Variants in HPSE2 observed in about 807,000 individuals in gnomAD.
HPSE2 encodes the protein inactive heparanase-2.
Under a neutral mutation model 60.5 loss-of-function variants are expected in HPSE2, and 38 were observed. The observed-to-expected ratio is 0.63, with a 90% CI of 0.48 to 0.82. The LOEUF (loss-of-function observed/expected upper bound fraction) is 0.82, where lower values mean the gene tolerates loss of function less well. Ranked by LOEUF, HPSE2 falls within the 40% of genes least tolerant of loss-of-function variation. HPSE2 has a pLI of 0.00. For missense variants in HPSE2, 713 were observed against 740.4 expected (o/e 0.96, Z 0.43); for synonymous variants, 295 against 293.2 (o/e 1.01, Z -0.06).
chr10:98,516,165 C>T (rs1942595140), intron 9 of HPSE2, among the ~76,000 whole-genome samples: 2 of 152,158 alleles, frequency 1.3e-5, no homozygotes, highest in African/African-American at 4.8e-5. Flanking sequence ...AAGATGTGCT[C>T]GGCCCTTCAC....
intron 3 of HPSE2, among the ~76,000 whole-genome samples, chr10:98,846,323 A>G (rs1467871528): frequency 6.6e-6 from 1 of 152,220 alleles, no homozygotes; most frequent in African/African-American, 2.4e-5. Context: ...TTGAAAAGCA[A>G]AATACTCTAT....
At chr10:98,801,291 T>G (rs895167974) in intron 3 of HPSE2, among the ~76,000 whole-genome samples, 3 of 151,838 alleles carry the variant, frequency 2.0e-5, no homozygotes, top group Non-Finnish European at 4.4e-5. Context: ...TCCTCTAATA[T>G]ATGGAACAAA....
intron 3 of HPSE2, among the ~76,000 whole-genome samples, chr10:98,836,650 A>G (rs1565199118): frequency 2.6e-5 from 4 of 152,232 alleles, no homozygotes; most frequent in African/African-American, 7.2e-5. Flanking sequence ...GCTGCTGACC[A>G]TAAGAATTTA....
chr10:99,184,786 TTATA>T lies in HPSE2; in HGVS notation c.449-40391_449-40388del, dbSNP rs1191226144. Among the ~76,000 whole-genome samples the T allele has an allele frequency of 5.8e-3, 146 of 25,266 alleles. 4 individuals carry two copies. Among genetic ancestry groups the T allele is most frequent in the African/African-American group, 0.016 (111 of 7,084 alleles). 16.6% of individuals were successfully genotyped at this position (25,266 alleles called of 152,430 possible). ...GATGTGGCAACAGAACTATCCAAAA[TTATA>T]TATATATATATATATATATATATAT... On this transcript the variant is annotated intron_variant, in intron 2 of 11. Coordinates refer to ENST00000370552, the MANE Select transcript of HPSE2 (RefSeq NM_021828.5).
intron 3 of HPSE2, among the ~76,000 whole-genome samples, chr10:98,868,835 C>T (rs1952659402): frequency 6.6e-6 from 1 of 152,038 alleles, no homozygotes; most frequent in Non-Finnish European, 1.5e-5. Flanking sequence ...ATGATTAATA[C>T]TTCTCTCTTT....
intron 3 of HPSE2, among the ~76,000 whole-genome samples, chr10:99,026,864 G>A (rs1289779060): frequency 6.6e-6 from 1 of 152,042 alleles, no homozygotes; most frequent in African/African-American, 2.4e-5. Context: ...ATATGCTCCT[G>A]AATGATCAAT....
At chr10:98,903,420 G>T (rs1262506059) in intron 3 of HPSE2, among the ~76,000 whole-genome samples, 1 of 152,034 alleles carries the variant, frequency 6.6e-6, no homozygotes, top group Non-Finnish European at 1.5e-5. Context: ...TGTATGGTAT[G>T]TGAATTATAT....
At chr10:99,170,741 G>C (rs1847275281) in intron 2 of HPSE2, among the ~76,000 whole-genome samples, 1 of 152,092 alleles carries the variant, frequency 6.6e-6, no homozygotes, top group South Asian at 2.1e-4. Flanking sequence ...CTGATATTTT[G>C]TTTGGCTTGG....
At chr10:98,983,603 T>C (rs1308934979) in intron 3 of HPSE2, among the ~76,000 whole-genome samples, 3 of 152,228 alleles carry the variant, frequency 2.0e-5, no homozygotes, top group African/African-American at 4.8e-5. Flanking sequence ...TATTCACAAA[T>C]GGGTCGTGGG....
intron 3 of HPSE2, among the ~76,000 whole-genome samples, chr10:98,774,182 A>G (rs2134429849): frequency 6.6e-6 from 1 of 152,310 alleles, no homozygotes; most frequent in East Asian, 1.9e-4. Flanking sequence ...CTATACACAC[A>G]TACACAGTAA....
intron 3 of HPSE2, among the ~76,000 whole-genome samples, chr10:98,823,550 C>A (rs1951472000): frequency 6.6e-6 from 1 of 152,122 alleles, no homozygotes. Flanking sequence ...TGCTTGATCC[C>A]AGGAGTTCAA....
intron 3 of HPSE2, among the ~76,000 whole-genome samples, chr10:98,807,138 G>A (rs972177481): frequency 3.3e-5 from 5 of 152,096 alleles, no homozygotes; most frequent in East Asian, 1.9e-4. Context: ...GCGAGACTCC[G>A]TCTCAAAAAT....
At chr10:98,463,233 C>T (rs1940378218) in intron 11 of HPSE2, among the ~76,000 whole-genome samples, 1 of 152,176 alleles carries the variant, frequency 6.6e-6, no homozygotes, top group Non-Finnish European at 1.5e-5. Context: ...CAACACTCCC[C>T]TTCCCTTACA....
intron 3 of HPSE2, among the ~76,000 whole-genome samples, chr10:98,985,167 G>C (rs2135315667): frequency 6.6e-6 from 1 of 152,212 alleles, no homozygotes. Context: ...CTCGAGAAGA[G>C]CAACTCCAAG....
At chr10:98,910,924 G>A (rs148334168) in intron 3 of HPSE2, among the ~76,000 whole-genome samples, 1 of 152,226 alleles carries the variant, frequency 6.6e-6, no homozygotes, top group Non-Finnish European at 1.5e-5. Context: ...CAGCTTCACT[G>A]GCCACCCTCT....
At chr10:98,542,871 C>T (rs1254695414) in intron 9 of HPSE2, among the ~76,000 whole-genome samples, 20 of 150,926 alleles carry the variant, frequency 1.3e-4, no homozygotes, top group African/African-American at 3.9e-4. Context: ...CTGAAAGTGA[C>T]GGGGAGAATG....
At chr10:98,605,486 A>G (rs1433193648) in intron 9 of HPSE2, among the ~76,000 whole-genome samples, 1 of 152,232 alleles carries the variant, frequency 6.6e-6, no homozygotes, top group Non-Finnish European at 1.5e-5. Flanking sequence ...GATACTAAAA[A>G]ACGGAATAGT....
chr10:99,272,131 C>A, the HPSE2 span, among the ~76,000 whole-genome samples: 1 of 152,030 alleles, frequency 6.6e-6, no homozygotes, highest in Non-Finnish European at 1.5e-5. Context: ...ATTAGCCAGG[C>A]ATGGTGGCAG....
At chr10:98,504,553 G>A (rs1010342561) in intron 9 of HPSE2, among the ~76,000 whole-genome samples, 2 of 152,154 alleles carry the variant, frequency 1.3e-5, no homozygotes, top group Non-Finnish European at 2.9e-5. Flanking sequence ...TTGGGAGGCC[G>A]AGGTTGCCGG....
Sources: gnomAD v4.1 joint callset for allele counts (sites outside exome capture counted in the v4.1 genomes callset) on GRCh38, gnomAD v4.1.1 for gene constraint, MANE v1.5 for transcripts, NCBI Gene and HGNC (gene_info 2026-07-23, HGNC 2026-07-21) for gene names.